TACC2: variants seen among roughly 807,000 people sequenced by gnomAD.
TACC2 encodes the protein transforming acidic coiled-coil-containing protein 2.
TACC2 carries 137 observed loss-of-function variants against 227.3 expected under a neutral mutation model. The ratio of observed to expected loss-of-function variants is 0.60; its 90% CI spans 0.52 to 0.69. The LOEUF (loss-of-function observed/expected upper bound fraction) is 0.69. Among genes scored for constraint, TACC2 ranks in the 30% least tolerant of loss-of-function variants. The pLI, the probability that TACC2 is intolerant of heterozygous loss-of-function variation, is 0.00. For synonymous variants in TACC2, 1,523 were observed against 1,487.5 expected (o/e 1.02, Z -0.55); for missense variants, 3,470 against 3,694.4 (o/e 0.94, Z 1.57).
chr10:122,151,974 GC>G (rs1382281082), intron 7 of TACC2, among the ~76,000 whole-genome samples: 1 of 152,212 alleles, frequency 6.6e-6, no homozygotes, highest in Non-Finnish European at 1.5e-5. Context: ...GCAGGGGCTC[GC>G]TGGGAGAAGT....
chr10:122,028,084 C>CTTTTTTTTTTTTT (rs59135261), intron 2 of TACC2, among the ~76,000 whole-genome samples: 21 of 91,746 alleles, frequency 2.3e-4, no homozygotes, highest in East Asian at 3.6e-4. Flanking sequence ...TTCTTTCTTT[C>CTTTTTTTTTTTTT]TTTTTTTTTT....
intron 7 of TACC2, chr10:122,192,483 G>A (rs1457334386): frequency 5.7e-6 from 2 of 351,626 alleles, no homozygotes; most frequent in African/African-American, 4.3e-5. Flanking sequence ...GGATGGACGA[G>A]TACTCAGGCT....
intron 7 of TACC2, among the ~76,000 whole-genome samples, chr10:122,145,760 G>C (rs1357902976): frequency 6.6e-6 from 1 of 152,074 alleles, no homozygotes; most frequent in East Asian, 1.9e-4. Context: ...AGCATCTCTG[G>C]TGCCTCCTGG....
At chr10:122,125,046 A>T (rs967716828) in intron 5 of TACC2, among the ~76,000 whole-genome samples, 2 of 148,352 alleles carry the variant, frequency 1.3e-5, no homozygotes, top group Middle Eastern at 3.5e-3. Flanking sequence ...ATCGCCATCC[A>T]GTCTTCAGAA....
At chr10:122,164,136 C>A in intron 7 of TACC2, 1 of 968,270 alleles carries the variant, frequency 1.0e-6, no homozygotes, top group African/African-American at 1.6e-5. Flanking sequence ...AAAGCTTTAC[C>A]TGGGGCTGCT....
rs1182894618 is a variant in TACC2, at chr10:122,082,842, C to T, written c.342C>T (p.Ala114=). 9.3e-6 allele frequency: 15 copies of T among 1,613,474 alleles called. No homozygotes were observed. Among genetic ancestry groups the T allele is most frequent in the South Asian group, 3.3e-5 (3 of 91,076 alleles). Residue 114 remains alanine, a synonymous_variant, in exon 4 of 23, where the codon GCC becomes GCT. Coordinates refer to ENST00000369005, the MANE Select transcript of TACC2 (RefSeq NM_206862.4). Reference sequence around the variant, plus strand: ...ACCCCTCGTCCTCCATGCCCTTTGCCGAGTGTCCCCCGGAAGGTTGCTTGG... The same window carrying T: ...ACCCCTCGTCCTCCATGCCCTTTGCTGAGTGTCCCCCGGAAGGTTGCTTGG... The part of the protein sequence containing the change: ...REHPSSSMPF[A]ECPPEGCLAS...
intron 7 of TACC2, among the ~76,000 whole-genome samples, chr10:122,171,869 T>C (rs1344930507): frequency 6.6e-6 from 1 of 151,688 alleles, no homozygotes; most frequent in African/African-American, 2.4e-5. Flanking sequence ...ATGAGTCTTA[T>C]TAGCCTTGTG....
At chr10:122,031,152 C>T (rs1050636636) in intron 2 of TACC2, among the ~76,000 whole-genome samples, 1 of 152,102 alleles carries the variant, frequency 6.6e-6, no homozygotes, top group Non-Finnish European at 1.5e-5. Context: ...AGCCCATCTT[C>T]GGTGACCATA....
intron 6 of TACC2, among the ~76,000 whole-genome samples, chr10:122,138,881 G>C (rs552581366): frequency 1.6e-4 from 24 of 152,314 alleles, no homozygotes; most frequent in African/African-American, 5.8e-4. Flanking sequence ...TGTATAGGCA[G>C]ATTTTGACTT....
chr10:122,082,897 CCT>C lies in TACC2; in HGVS notation c.399_400del (p.Gln134AspfsTer23), dbSNP rs752075521. On this transcript the variant is annotated frameshift_variant, in exon 4 of 23. Transcript: ENST00000369005. LOFTEE classifies it high-confidence loss of function. ...ASPAAAPEDG[P>X]QTQSPRREPA... is the part of the protein sequence containing the mutation. Reference sequence around the variant, plus strand: ...TCCAGCAGCGGCACCTGAAGATGGTCCTCAGACTCAGTCTCCCAGGAGGGAAC... The same window carrying C: ...TCCAGCAGCGGCACCTGAAGATGGTCCAGACTCAGTCTCCCAGGAGGGAAC... The C allele has an allele frequency of 8.1e-6, 13 of 1,613,312 alleles. 1 individual carries two copies. The South Asian group carries it at 1.2e-4, about 15-fold the overall frequency.
rs1186372970 is a variant in TACC2 at position 122,086,333 on chromosome 10, T to G, written c.3833T>G (p.Leu1278Trp). 6 of 1,613,642 alleles carry G rather than the reference T, an allele frequency of 3.7e-6. No individual in the cohort carries two copies. Among genetic ancestry groups the G allele is most frequent in the Non-Finnish European group, 5.1e-6 (6 of 1,180,006 alleles). ...PCPVGEPPLA[L>W]ENAASLKLFA... ...CCTGTAGGGGAGCCCCCACTTGCCT[T>G]GGAAAATGCTGCCTCCTTGAAGCTG... is the stretch of plus-strand genomic sequence containing the variant. The change falls in exon 4 of 23, where the codon TTG becomes TGG. Residue 1278 changes from leucine (L) to tryptophan (W), a missense_variant. This residue lies in a region of TACC2 where 1,924 missense variants were observed against 1,978.3 expected (regional missense o/e 0.97). Coordinates refer to ENST00000369005, the MANE Select transcript of TACC2 (RefSeq NM_206862.4).
Position 122,195,144 on chromosome 10 carries a change from A to C in TACC2, c.5939A>C (p.Glu1980Ala). Residue 1980 changes from glutamate to alanine, a missense_variant, in exon 8 of 23, where the codon GAG (glutamate) becomes GCG (alanine). This residue lies in a region of TACC2 where 593 missense variants were observed against 636.6 expected (regional missense o/e 0.93). Coordinates refer to ENST00000369005, the MANE Select transcript of TACC2 (RefSeq NM_206862.4). Reference sequence around the variant, plus strand: ...CCCCCCGAAGTCATCCCAGAACCCGAGGTCAGCACACAGCCACCCCCGGAA... The same window carrying C: ...CCCCCCGAAGTCATCCCAGAACCCGCGGTCAGCACACAGCCACCCCCGGAA... ...PPPPEVIPEP[E>A]VSTQPPPEEP... 6.3e-7 allele frequency: 1 copy of C among 1,576,848 alleles called. No individual in the cohort carries two copies. The highest frequency in any genetic ancestry group is 1.4e-5 in the African/African-American group (1 of 72,856).
At chr10:122,226,188 T>TC (rs1160106795) in intron 12 of TACC2, among the ~76,000 whole-genome samples, 178 bp from the exon 13 acceptor site, 1 of 152,164 alleles carries the variant, frequency 6.6e-6, no homozygotes, top group Non-Finnish European at 1.5e-5. Context: ...CCTCCTGGCC[T>TC]CCCCACCTCA....
chr10:122,168,991 A>T (rs146955905), intron 7 of TACC2, among the ~76,000 whole-genome samples: 2 of 152,174 alleles, frequency 1.3e-5, no homozygotes, highest in African/African-American at 2.4e-5. Flanking sequence ...GTGAAAACCA[A>T]TTGTTCATGG....
In TACC2 at chr10:122,210,108, T is replaced by G; in HGVS notation, c.5972-289T>G. ...ACCTAGAACCATGTCTGGTCCTGAT[T>G]AGGCACTTGGTGAATGTTTTTGAAT... On this transcript the variant is annotated intron_variant, in intron 8 of 22. Transcript: ENST00000369005. The surrounding 1 kb of genome is among the most constrained non-coding windows in gnomAD (Gnocchi z 4.6). The G allele has an allele frequency of 6.5e-6, 3 of 464,244 alleles. No individual in the cohort carries two copies. Among genetic ancestry groups the G allele is most frequent in the Non-Finnish European group, 1.2e-5 (3 of 255,328 alleles). 28.8% of individuals were successfully genotyped at this position (464,244 alleles called of 1,614,324 possible).
At chr10:122,192,566 C>A (rs747269328) in intron 7 of TACC2, 3 of 400,638 alleles carry the variant, frequency 7.5e-6, no homozygotes, top group Non-Finnish European at 1.5e-5. Context: ...GCATCTGTGG[C>A]CGGTGGTGCA....
At chr10:122,140,578 G>A (rs1210915898) in intron 6 of TACC2, among the ~76,000 whole-genome samples, 1 of 152,194 alleles carries the variant, frequency 6.6e-6, no homozygotes, top group Non-Finnish European at 1.5e-5. Context: ...CAGAATGTGC[G>A]GACCCCATAT....
In TACC2 at chr10:122,083,783, C is replaced by T. The variant is rs1049107667; in HGVS notation, c.1283C>T (p.Ala428Val). Reference sequence around the variant, plus strand: ...TCAAGCCTCGCTTCATTCCCAGCTGCTCAGATTCCTATTGCTGTAGAAGAA... The same window carrying T: ...TCAAGCCTCGCTTCATTCCCAGCTGTTCAGATTCCTATTGCTGTAGAAGAA... Reference protein sequence around the residue: ...PASSLASFPAAQIPIAVEEPG... With the variant: ...PASSLASFPAVQIPIAVEEPG... Residue 428 changes from alanine to valine, a missense_variant, in exon 4 of 23, where the codon GCT becomes GTT. By Grantham distance (64) the Ala-to-Val change is moderately conservative (BLOSUM62 0). Coordinates refer to ENST00000369005, the MANE Select transcript of TACC2 (RefSeq NM_206862.4). 6.2e-7 allele frequency: 1 copy of T among 1,614,072 alleles called. No individual in the cohort carries two copies. Among genetic ancestry groups the T allele is most frequent in the African/African-American group, 1.3e-5 (1 of 74,950 alleles).
At chr10:122,028,407 T>A (rs1405397466) in intron 2 of TACC2, among the ~76,000 whole-genome samples, 1 of 152,212 alleles carries the variant, frequency 6.6e-6, no homozygotes, top group Non-Finnish European at 1.5e-5. Flanking sequence ...TTTTTCATTA[T>A]CATTTTTTGT....
Sources: allele counts gnomAD v4.1 joint callset (sites outside exome capture counted in the v4.1 genomes callset), GRCh38; gene constraint gnomAD v4.1.1; regional missense constraint gnomAD v4.1.1; non-coding constraint Gnocchi (gnomAD v3.1); transcripts MANE v1.5; gene names NCBI Gene and HGNC (gene_info 2026-07-23, HGNC 2026-07-21).